The following PRDM11 variants were observed in gnomAD, a reference collection of about 807,000 sequenced individuals.
The protein encoded by PRDM11 is PR/SET domain 11.
A neutral mutation model predicts 97.8 loss-of-function variants in PRDM11; 20 were observed. That is an observed-to-expected ratio of 0.20 (90% CI 0.14 to 0.30). The LOEUF is 0.30. Ranked by LOEUF, PRDM11 falls within the 10% of genes least tolerant of loss-of-function variation. PRDM11 has a pLI of 1.00. For synonymous variants in PRDM11, 599 were observed against 637.7 expected (o/e 0.94, Z 0.91); for missense variants, 1,139 against 1,555.2 (o/e 0.73, Z 4.50).
intron 1 of PRDM11, among the ~76,000 whole-genome samples, chr11:45,153,107 C>A (rs1436570120): frequency 1.3e-5 from 2 of 152,218 alleles, no homozygotes; most frequent in Non-Finnish European, 2.9e-5. Context: ...TGGCCCTCTA[C>A]AGCGAAGGTC....
intron 5 of PRDM11, among the ~76,000 whole-genome samples, chr11:45,211,146 C>T (rs1023094616): frequency 2.6e-5 from 4 of 152,176 alleles, no homozygotes; most frequent in African/African-American, 4.8e-5. Context: ...ATCACCTCGC[C>T]GGGTCTCACT....
chr11:45,177,306 G>C (rs1852351668), intron 1 of PRDM11, among the ~76,000 whole-genome samples: 1 of 152,266 alleles, frequency 6.6e-6, no homozygotes, highest in Admixed American at 6.5e-5. Context: ...AGAGGAGCCA[G>C]CTGAGAGGGA....
chr11:45,192,585 A>G (rs906615128), intron 4 of PRDM11, among the ~76,000 whole-genome samples: 4 of 152,186 alleles, frequency 2.6e-5, no homozygotes, highest in Admixed American at 1.3e-4. Context: ...AACCTGTATA[A>G]TATTTCCAGT....
chr11:45,099,456 A>T (rs1429014495), intron 1 of PRDM11, among the ~76,000 whole-genome samples: 1 of 148,144 alleles, frequency 6.8e-6, no homozygotes, highest in Non-Finnish European at 1.5e-5. Context: ...ATCTTAAAAA[A>T]AAAAAAAAAA....
Position 45,226,579 on chromosome 11 carries a change from A to G in PRDM11, c.1954A>G (p.Ile652Val). The G allele has an allele frequency of 1.3e-6, 2 of 1,533,926 alleles. No individual in the cohort carries two copies. The highest frequency in any genetic ancestry group is 1.7e-6 in the Non-Finnish European group (2 of 1,146,730). Residue 652 changes from isoleucine to valine, a missense_variant, in exon 8 of 8, where the codon ATC (isoleucine) becomes GTC (valine). Around this residue, in one of 2 missense-constraint regions of PRDM11, gnomAD observed 710 missense variants for 1,044.9 expected, o/e 0.68. Coordinates refer to ENST00000683152, the MANE Select transcript of PRDM11 (RefSeq NM_001384648.1). Reference sequence around the variant, plus strand: ...CCTGCGGGAAGACCTGGTGGAGCGCATCCGCCAGTCACCTTGCCTCAGCGT... The same window carrying G: ...CCTGCGGGAAGACCTGGTGGAGCGCGTCCGCCAGTCACCTTGCCTCAGCGT... Reference protein sequence around the residue: ...RALREDLVERIRQSPCLSVIL... With the variant: ...RALREDLVERVRQSPCLSVIL...
At chr11:45,182,476 G>A (rs1490651287) in intron 3 of PRDM11, 127 bp downstream of exon 3, 12 of 855,982 alleles carry the variant, frequency 1.4e-5, no homozygotes. Context: ...CCAGGTCCAG[G>A]CCTTGGTTCG....
intron 5 of PRDM11, among the ~76,000 whole-genome samples, chr11:45,207,523 C>T (rs1196433741): frequency 1.3e-5 from 2 of 152,316 alleles, no homozygotes; most frequent in African/African-American, 4.8e-5. Context: ...TTACACAGGA[C>T]ACCCCTTCCC....
intron 1 of PRDM11, among the ~76,000 whole-genome samples, chr11:45,101,424 T>C (rs759175340): frequency 1.3e-5 from 2 of 151,928 alleles, no homozygotes; most frequent in Non-Finnish European, 2.9e-5. Context: ...GGCATGGTGG[T>C]CTGCACCTGT....
rs1035720765 is a variant in PRDM11, at chr11:45,109,119, G to C, written c.96+13218G>C. ...AATGTTGTCCCCGCCCCTCAGGAAA[G>C]GTTGAGTCTGACTTTTCACCTCTGA... is the stretch of plus-strand genomic sequence containing the variant. On this transcript the variant is annotated intron_variant, in intron 1 of 6. Coordinates refer to the PRDM11 transcript ENST00000530656. Among the ~76,000 whole-genome samples, 4 of 152,194 alleles carry C rather than the reference G, an allele frequency of 2.6e-5. No homozygotes were observed. In the South Asian group the frequency reaches 8.3e-4, roughly 32 times the overall value.
chr11:45,194,112 C>CA (rs1416493028), intron 4 of PRDM11, among the ~76,000 whole-genome samples: 1 of 152,192 alleles, frequency 6.6e-6, no homozygotes, highest in Non-Finnish European at 1.5e-5. Flanking sequence ...AATCCTGTGG[C>CA]AAAAGGTGGT....
chr11:45,181,692 C>T (rs751537030), intron 1 of PRDM11, 69 bp from the exon 2 acceptor site: 39 of 1,371,400 alleles, frequency 2.8e-5, no homozygotes, highest in Non-Finnish European at 3.7e-5. Flanking sequence ...TTGCCCTCTC[C>T]GCCGCTCACT....
Position 45,164,735 on chromosome 11 carries a change from T to C in PRDM11, c.-6-17026T>C, listed in dbSNP as rs560595636. 2.0e-5 allele frequency among the ~76,000 whole-genome samples: 3 copies of C among 152,142 alleles called. No homozygotes were observed. The East Asian group carries it at 5.8e-4, about 29-fold the overall frequency. On this transcript the variant is annotated intron_variant, in intron 1 of 7. Coordinates refer to ENST00000683152, the MANE Select transcript of PRDM11 (RefSeq NM_001384648.1). ...GGTTTCACCGTGATGGTCCTTCGGG[T>C]GTGTTTTGACCTCGATGGTGGGAAC...
intron 4 of PRDM11, among the ~76,000 whole-genome samples, chr11:45,191,465 C>T (rs1245773122): frequency 1.3e-5 from 2 of 152,220 alleles, no homozygotes; most frequent in Admixed American, 1.3e-4. Flanking sequence ...TTCACCCCCA[C>T]TCAATCCTCA....
At chr11:45,150,701 CA>C (rs994581597) in intron 1 of PRDM11, among the ~76,000 whole-genome samples, 17 of 152,150 alleles carry the variant, frequency 1.1e-4, no homozygotes, top group Non-Finnish European at 2.4e-4. Context: ...TGAGATTCAA[CA>C]TTGACTCGAG....
chr11:45,159,754 T>C (rs6485594), intron 1 of PRDM11, among the ~76,000 whole-genome samples: 142,700 of 152,268 alleles, frequency 0.94, 67,599 homozygotes, highest in Non-Finnish European at 0.98. Context: ...CAGTGGCAGT[T>C]AGCTCTGTGA....
chr11:45,167,126 A>G (rs1347741195), intron 1 of PRDM11, among the ~76,000 whole-genome samples: 1 of 152,200 alleles, frequency 6.6e-6, no homozygotes, highest in African/African-American at 2.4e-5. Context: ...GATCATACAA[A>G]AATGGAATTC....
chr11:45,210,961 T>G (rs1360177690), intron 5 of PRDM11, among the ~76,000 whole-genome samples: 2 of 152,074 alleles, frequency 1.3e-5, no homozygotes, highest in Non-Finnish European at 2.9e-5. Context: ...TGAGACTGAA[T>G]GTAATGAGGC....
At position 45,124,550 on chromosome 11, in the gene PRDM11, G is replaced by C. The variant is rs561083230; in HGVS notation, c.96+28649G>C. On this transcript the variant is annotated intron_variant, in intron 1 of 6. Coordinates refer to the PRDM11 transcript ENST00000530656. Reference sequence around the variant, plus strand: ...CTAATTGAGAGTTTTTAGCACGAAGGGTTGTTGAATTTTGTCAAAGGCCTT... The same window carrying C: ...CTAATTGAGAGTTTTTAGCACGAAGCGTTGTTGAATTTTGTCAAAGGCCTT... 9.3e-4 allele frequency among the ~76,000 whole-genome samples: 142 copies of C among 152,190 alleles called. 1 individual carries two copies. The highest frequency in any genetic ancestry group is 1.0e-3 in the Admixed American group (16 of 15,284).
At chr11:45,105,669 G>A (rs1172201560) in intron 1 of PRDM11, among the ~76,000 whole-genome samples, 2 of 152,212 alleles carry the variant, frequency 1.3e-5, no homozygotes, top group South Asian at 2.1e-4. Flanking sequence ...CAACAGCTTG[G>A]CATGGCCCTG....
Sources: allele counts gnomAD v4.1 joint callset (sites outside exome capture counted in the v4.1 genomes callset), GRCh38; gene constraint gnomAD v4.1.1; regional missense constraint gnomAD v4.1.1; transcripts MANE v1.5; gene names NCBI Gene and HGNC (gene_info 2026-07-23, HGNC 2026-07-21).